The following CCDC110 variants were observed in gnomAD, a reference collection of about 807,000 sequenced individuals.
CCDC110 encodes the protein coiled-coil domain-containing protein 110.
Under a neutral mutation model 77.1 loss-of-function variants are expected in CCDC110, and 70 were observed. That is an observed-to-expected ratio of 0.91 (90% CI 0.75 to 1.11). The LOEUF (loss-of-function observed/expected upper bound fraction) is 1.11. CCDC110 is among the 50% of genes least tolerant of loss of function. CCDC110 has a pLI of 0.00. For missense variants in CCDC110, 868 were observed against 942.9 expected (o/e 0.92, Z 1.04); for synonymous variants, 295 against 312.5 (o/e 0.94, Z 0.59).
chr4:185,455,131 A>G (rs2095634216), intron 6 of CCDC110, among the ~76,000 whole-genome samples: 1 of 152,202 alleles, frequency 6.6e-6, no homozygotes, highest in East Asian at 1.9e-4. Flanking sequence ...GTAGGTTAAA[A>G]GTAAAAGGAT....
chr4:185,459,141 A>G lies in CCDC110; in HGVS notation c.1446T>C (p.Asn482=), dbSNP rs36007437. ...KVETYEKQLK[N]LVEEKSTIQS... The stretch of plus-strand genomic sequence containing the variant: ...GAATAGTACTCTTTTCTTCAACCAG[A>G]TTCTTAAGTTGCTTTTCATATGTTT... Residue 482 remains asparagine, a synonymous_variant, in exon 6 of 7, where the codon AAT becomes AAC. Coordinates refer to ENST00000307588, the MANE Select transcript of CCDC110 (RefSeq NM_152775.4). The G allele has an allele frequency of 0.45, 708,850 of 1,591,260 alleles. 163,965 individuals carry two copies. The highest frequency in any genetic ancestry group is 0.49 in the Non-Finnish European group (566,815 of 1,165,474).
Position 185,459,925 on chromosome 4 carries a change from T to C in CCDC110, c.662A>G (p.Asp221Gly). The C allele has an allele frequency of 6.2e-7, 1 of 1,613,920 alleles. No individual in the cohort carries two copies. The highest frequency in any genetic ancestry group is 2.2e-5 in the East Asian group (1 of 44,840). The part of the protein sequence containing the change: ...VMSQADTVIL[D>G]KSKITVPFLK... ...AAAAGGCACAGTAATTTTGGATTTA[T>C]CCAGAATTACTGTATCAGCTTGAGA... Residue 221 changes from aspartate to glycine, a missense_variant, in exon 6 of 7, where the codon GAT (aspartate) becomes GGT (glycine). Physicochemically the swap from Asp to Gly is moderately conservative, Grantham distance 94. Coordinates refer to ENST00000307588, the MANE Select transcript of CCDC110 (RefSeq NM_152775.4).
intron 1 of CCDC110, 29 bp downstream of exon 1, chr4:185,471,645 C>T (rs1326720275): frequency 1.3e-6 from 2 of 1,555,294 alleles, no homozygotes; most frequent in Admixed American, 1.9e-5. Flanking sequence ...CGCGGCTCCC[C>T]TAGGAGCCCC....
chr4:185,469,569 T>A (rs925806236), intron 2 of CCDC110, among the ~76,000 whole-genome samples: 3 of 152,240 alleles, frequency 2.0e-5, no homozygotes. Context: ...CCTCAATGTC[T>A]CAACTCTCTG....
Position 185,458,440 on chromosome 4 carries a change from T to C in CCDC110, c.2147A>G (p.Gln716Arg). ...KMVMETKTDN[Q>R]ILKEELKKHS... ...TTTCTTTAGTTCTTCTTTTAGAATCTGATTATCTGTTTTGGTTTCCATTAC... is the reference window on the plus strand; with the variant it reads ...TTTCTTTAGTTCTTCTTTTAGAATCCGATTATCTGTTTTGGTTTCCATTAC... The change falls in exon 6 of 7, where the codon CAG (glutamine) becomes CGG (arginine). Residue 716 changes from glutamine (Q) to arginine (R), a missense_variant. By Grantham distance (43) the Gln-to-Arg change is conservative. Coordinates refer to ENST00000307588, the MANE Select transcript of CCDC110 (RefSeq NM_152775.4). 6.3e-7 allele frequency: 1 copy of C among 1,598,444 alleles called. No homozygotes were observed.
Position 185,459,393 on chromosome 4 carries a change from TTGTC to T in CCDC110, c.1190_1193del (p.Arg397AsnfsTer4). 6.2e-7 allele frequency: 1 copy of T among 1,611,356 alleles called. No homozygotes were observed. Among genetic ancestry groups the T allele is most frequent in the Non-Finnish European group, 8.5e-7 (1 of 1,178,392 alleles). On this transcript the variant is annotated frameshift_variant, in exon 6 of 7. Coordinates refer to ENST00000307588, the MANE Select transcript of CCDC110 (RefSeq NM_152775.4). LOFTEE classifies it high-confidence loss of function. ...TTGATCCTTGTTTTACTAGAAATGG[TTGTC>T]TTTCTTTGTCTTTCATTTCATGTTT...
rs2095660590 is a variant in CCDC110 at position 185,468,784 on chromosome 4, T to C, written c.115+2161A>G. On this transcript the variant is annotated intron_variant, in intron 2 of 6. Coordinates refer to ENST00000307588, the MANE Select transcript of CCDC110 (RefSeq NM_152775.4). This position sits in a 1 kb window ranked among gnomAD's most constrained non-coding sequence, Gnocchi z 4.5. ...ACTCCAAATATTCCTCCCCCCCTTC[T>C]CAGCCTTATGTTCTCCATAGAATTT... 6.6e-6 allele frequency among the ~76,000 whole-genome samples: 1 copy of C among 152,124 alleles called. No individual in the cohort carries two copies. Among genetic ancestry groups the C allele is most frequent in the Admixed American group, 6.5e-5 (1 of 15,282 alleles).
chr4:185,453,843 C>T (rs1308052574), intron 6 of CCDC110, among the ~76,000 whole-genome samples: 2 of 145,400 alleles, frequency 1.4e-5, no homozygotes, highest in Non-Finnish European at 3.0e-5. Flanking sequence ...GACGGAGTTT[C>T]GCTCTTGTTG....
At chr4:185,471,092 C>A in intron 1 of CCDC110, 43 bp from the exon 2 acceptor site, 1 of 342,620 alleles carries the variant, frequency 2.9e-6, no homozygotes, top group Non-Finnish European at 4.4e-6. Context: ...CGGGTCGTGG[C>A]GTGGCGGGGC....
Position 185,459,038 on chromosome 4 carries a change from C to G in CCDC110, c.1549G>C (p.Val517Leu). The G allele has an allele frequency of 6.3e-7, 1 of 1,576,732 alleles. No homozygotes were observed. Among genetic ancestry groups the G allele is most frequent in the Non-Finnish European group, 8.6e-7 (1 of 1,163,012 alleles). ...EFKKIISKYN[V>L]LQGQNKTLEE... ...AGAGTTTTATTTTGGCCTTGCAGAA[C>G]ATTATATTTACTAATTATTTTTTTA... is the stretch of plus-strand genomic sequence containing the variant. The change falls in exon 6 of 7, where the codon GTT becomes CTT. Residue 517 changes from valine to leucine, a missense_variant. By Grantham distance (32) the Val-to-Leu change is conservative. Coordinates refer to ENST00000307588, the MANE Select transcript of CCDC110 (RefSeq NM_152775.4).
At chr4:185,457,027 T>C (rs775703958) in intron 6 of CCDC110, 2 of 245,042 alleles carry the variant, frequency 8.2e-6, no homozygotes, top group Non-Finnish European at 1.6e-5. Context: ...TATTACCAAA[T>C]TGAATCCAGG....
chr4:185,447,370 C>T (rs570519578), intron 6 of CCDC110, among the ~76,000 whole-genome samples: 6 of 151,932 alleles, frequency 3.9e-5, no homozygotes, highest in South Asian at 2.1e-4. Context: ...TTAGTAGAGA[C>T]GGGGTTTCAC....
chr4:185,458,676 A>G lies in CCDC110; in HGVS notation c.1911T>C (p.Val637=). 1.2e-6 allele frequency: 2 copies of G among 1,604,338 alleles called. No individual in the cohort carries two copies. Among genetic ancestry groups the G allele is most frequent in the Non-Finnish European group, 1.7e-6 (2 of 1,178,258 alleles). The change falls in exon 6 of 7, where the codon GTT becomes GTC. Residue 637 remains valine (V), a synonymous_variant. Coordinates refer to ENST00000307588, the MANE Select transcript of CCDC110 (RefSeq NM_152775.4). ...TTTCAAGGTTGAGTTTTTCATCTTT[A>G]ACTGTTTCTATTATTTGAAGAAGTG... The part of the protein sequence containing the change: ...QETLLQIIET[V]KDEKLNLETT...
chr4:185,469,918 C>A (rs1469538032), intron 2 of CCDC110, among the ~76,000 whole-genome samples: 1 of 152,180 alleles, frequency 6.6e-6, no homozygotes, highest in Non-Finnish European at 1.5e-5. Flanking sequence ...TACAGAGGGG[C>A]AACTGGGGGT....
chr4:185,451,317 G>A (rs527930026), intron 6 of CCDC110, among the ~76,000 whole-genome samples: 37 of 152,250 alleles, frequency 2.4e-4, no homozygotes, highest in South Asian at 1.7e-3. Context: ...TCCTTCTGCC[G>A]GTCCAGGCTG....
chr4:185,457,751 A>G, intron 6 of CCDC110: 1 of 1,409,624 alleles, frequency 7.1e-7, no homozygotes, highest in Non-Finnish European at 9.3e-7. Context: ...GTTTTGAAAC[A>G]TTGATTTTAG....
Position 185,471,730 on chromosome 4 carries a change from C to T in CCDC110, c.-47G>A. On this transcript the variant is annotated 5_prime_UTR_variant, in exon 1 of 7. Transcript: ENST00000307588. The stretch of plus-strand genomic sequence containing the variant: ...CAACCGCCGCCGCACGCACCCGCTC[C>T]GCCGCCCCGCGCAGGGCATCCTGTC... 6.6e-7 allele frequency: 1 copy of T among 1,508,818 alleles called. No individual in the cohort carries two copies. The highest frequency in any genetic ancestry group is 2.9e-5 in the East Asian group (1 of 34,770). The allele number at this position is 1,508,818 out of a possible 1,614,324, so 93.5% of individuals were successfully genotyped here.
chr4:185,470,849 C>T (rs982760939), intron 2 of CCDC110, 96 bp downstream of exon 2: 44 of 896,954 alleles, frequency 4.9e-5, no homozygotes, highest in Non-Finnish European at 5.4e-5. Flanking sequence ...CGTGTCATCA[C>T]GGCCGTGGGA....
intron 2 of CCDC110, among the ~76,000 whole-genome samples, chr4:185,466,982 T>C (rs2095657489): frequency 6.6e-6 from 1 of 151,936 alleles, no homozygotes; most frequent in Non-Finnish European, 1.5e-5. Context: ...ATGTGAAGGG[T>C]GAGAATGAAG....
Sources: allele counts gnomAD v4.1 joint callset (sites outside exome capture counted in the v4.1 genomes callset), GRCh38; gene constraint gnomAD v4.1.1; non-coding constraint Gnocchi (gnomAD v3.1); transcripts MANE v1.5; gene names NCBI Gene and HGNC (gene_info 2026-07-23, HGNC 2026-07-21).